ATP2B1: variants seen among roughly 807,000 people sequenced by gnomAD.
The protein encoded by ATP2B1 is ATPase plasma membrane Ca2+ transporting 1, also known as plasma membrane calcium-transporting ATPase 1.
ATP2B1 carries 14 observed loss-of-function variants against 124.2 expected under a neutral mutation model. That is an observed-to-expected ratio of 0.11 (90% CI 0.07 to 0.18). The LOEUF is 0.18. ATP2B1 is among the 10% of genes least tolerant of loss of function. ATP2B1 has a pLI of 1.00. For synonymous variants in ATP2B1, 449 were observed against 492.4 expected (o/e 0.91, Z 1.17); for missense variants, 763 against 1,466.1 (o/e 0.52, Z 7.83).
intron 12 of ATP2B1, among the ~76,000 whole-genome samples, chr12:89,612,351 C>T (rs914527918): frequency 2.6e-5 from 4 of 151,978 alleles, no homozygotes; most frequent in Non-Finnish European, 5.9e-5. Context: ...AGAAAATCCA[C>T]ACGGATCCTA....
rs1214541622 is a variant in ATP2B1 at position 89,589,378 on chromosome 12, AAGAG to A, written c.*1602_*1605del. On this transcript the variant is annotated 3_prime_UTR_variant, in exon 21 of 21. Coordinates refer to ENST00000428670, the MANE Select transcript of ATP2B1 (RefSeq NM_001366521.1). ...GAAGAAGGTAGATGAAGGAAAGAAA[AAGAG>A]AGCTAAAGAATCCAATTGGCTTAGA... 2.0e-5 allele frequency: 3 copies of A among 152,380 alleles called. No homozygotes were observed. The highest frequency in any genetic ancestry group is 4.4e-5 in the Non-Finnish European group (3 of 68,008). The allele number at this position is 152,380 out of a possible 1,614,324, so 9.4% of individuals were successfully genotyped here.
chr12:89,684,186 G>A (rs1186995243), intron 1 of ATP2B1, among the ~76,000 whole-genome samples: 1 of 152,120 alleles, frequency 6.6e-6, no homozygotes, highest in African/African-American at 2.4e-5. Context: ...CATGAAAATT[G>A]GTTACTTACA....
At chr12:89,620,289 G>C (rs528126516) in intron 10 of ATP2B1, 49 bp from the exon 11 acceptor site, 1 of 1,587,538 alleles carries the variant, frequency 6.3e-7, no homozygotes, top group Non-Finnish European at 8.6e-7. Context: ...CTCTAAGAAC[G>C]TTTAATTTAT....
chr12:89,685,837 T>C (rs557567249), intron 1 of ATP2B1, among the ~76,000 whole-genome samples: 10 of 152,072 alleles, frequency 6.6e-5, no homozygotes, highest in Middle Eastern at 3.4e-3. Flanking sequence ...CCTAATCCAA[T>C]AGAACTGGTG....
chr12:89,655,842 T>C lies in ATP2B1; in HGVS notation c.45A>G (p.Lys15=). 6.2e-7 allele frequency: 1 copy of C among 1,613,468 alleles called. No individual in the cohort carries two copies. Among genetic ancestry groups the C allele is most frequent in the South Asian group, 1.1e-5 (1 of 91,050 alleles). Residue 15 remains lysine (K), a synonymous_variant, in exon 2 of 21, where the codon AAA becomes AAG. Coordinates refer to ENST00000428670, the MANE Select transcript of ATP2B1 (RefSeq NM_001366521.1). Reference sequence around the variant, plus strand: ...CATGATTAGCTTCCTTCAAAGAGTTTTTCACACCACTGTAAGCAACTGAGT... The same window carrying C: ...CATGATTAGCTTCCTTCAAAGAGTTCTTCACACCACTGTAAGCAACTGAGT... ...ANNSVAYSGV[K]NSLKEANHDG... is the part of the protein sequence containing the mutation.
chr12:89,598,819 T>A (rs1042059276), intron 20 of ATP2B1: 4 of 1,550,034 alleles, frequency 2.6e-6, no homozygotes, highest in Non-Finnish European at 3.5e-6. Flanking sequence ...ATTCCATCTA[T>A]CAACATATAA....
intron 1 of ATP2B1, among the ~76,000 whole-genome samples, chr12:89,668,498 G>C (rs1356022510): frequency 6.6e-6 from 1 of 152,076 alleles, no homozygotes; most frequent in Non-Finnish European, 1.5e-5. Flanking sequence ...AATTCTTTCT[G>C]GTAACTTTTT....
chr12:89,613,076 C>T (rs1878325587), intron 12 of ATP2B1, among the ~76,000 whole-genome samples: 1 of 151,974 alleles, frequency 6.6e-6, no homozygotes, highest in Admixed American at 6.6e-5. Flanking sequence ...GCCTCCCAGG[C>T]TCAAGTGATC....
chr12:89,695,490 T>C (rs569199106), intron 1 of ATP2B1, among the ~76,000 whole-genome samples: 127 of 152,232 alleles, frequency 8.3e-4, no homozygotes, highest in African/African-American at 2.9e-3. Context: ...AAAAAATTCA[T>C]ATATGATGTC....
intron 1 of ATP2B1, among the ~76,000 whole-genome samples, chr12:89,694,167 CTGAA>C (rs1890856463): frequency 6.6e-6 from 1 of 152,186 alleles, no homozygotes; most frequent in Admixed American, 6.5e-5. Flanking sequence ...AACACTTGCA[CTGAA>C]TGTTCAAATA....
chr12:89,598,844 T>C lies in ATP2B1; in HGVS notation c.3351+273A>G, dbSNP rs1592704667. ...TCAACATATAAAAAGAAAAAGGCAC[T>C]TTTTACACAGCATATAGGCAAGAAT... On this transcript the variant is annotated intron_variant, in intron 20 of 20. Transcript: ENST00000428670. 6 of 1,412,468 alleles carry C rather than the reference T, an allele frequency of 4.2e-6. No individual in the cohort carries two copies. In the East Asian group the frequency reaches 1.4e-4, roughly 32 times the overall value. 87.5% of individuals were successfully genotyped at this position (1,412,468 alleles called of 1,614,324 possible).
chr12:89,675,830 C>T, intron 1 of ATP2B1, among the ~76,000 whole-genome samples: 1 of 152,132 alleles, frequency 6.6e-6, no homozygotes, highest in South Asian at 2.1e-4. Flanking sequence ...GGGAAAGATA[C>T]TACTTTTACT....
chr12:89,693,898 A>T (rs369422977), intron 1 of ATP2B1, among the ~76,000 whole-genome samples: 10 of 152,306 alleles, frequency 6.6e-5, no homozygotes, highest in African/African-American at 2.4e-4. Flanking sequence ...AAACTGGATA[A>T]ATAATAGCCT....
At chr12:89,662,152 T>A (rs571492383) in intron 1 of ATP2B1, among the ~76,000 whole-genome samples, 3 of 151,206 alleles carry the variant, frequency 2.0e-5, no homozygotes, top group Admixed American at 6.6e-5. Context: ...TTTTTTTTTT[T>A]AACACGAGAC....
At position 89,601,319 on chromosome 12, in the gene ATP2B1, T is replaced by G. The variant is rs775142174; in HGVS notation, c.3168+7A>C. 8 of 1,540,714 alleles carry G rather than the reference T, an allele frequency of 5.2e-6. No homozygotes were observed. The highest frequency in any genetic ancestry group is 1.7e-4 in the Middle Eastern group (1 of 5,928). Reference sequence around the variant, plus strand: ...TAGGTTTAAACAAAAACTGATGAAATTTTTACCTGGCCCCAGAGTAATGTT... The same window carrying G: ...TAGGTTTAAACAAAAACTGATGAAAGTTTTACCTGGCCCCAGAGTAATGTT... On this transcript the variant is annotated splice_region_variant and intron_variant, in intron 19 of 20. Transcript: ENST00000428670.
At position 89,664,044 on chromosome 12, in the gene ATP2B1, A is replaced by C. The variant is rs1887012966; in HGVS notation, c.-221-7937T>G. Among the ~76,000 whole-genome samples the C allele has an allele frequency of 2.0e-5, 3 of 152,166 alleles. No homozygotes were observed. In the South Asian group the frequency reaches 6.2e-4, roughly 31 times the overall value. On this transcript the variant is annotated intron_variant, in intron 1 of 20. Coordinates refer to ENST00000428670, the MANE Select transcript of ATP2B1 (RefSeq NM_001366521.1). ...GCATGTGCATTTACAGGGCCTATTT[A>C]TTTTGTTTCTCTCATATTTCAGAAT...
chr12:89,598,795 C>A, intron 20 of ATP2B1: 1 of 1,592,554 alleles, frequency 6.3e-7, no homozygotes, highest in Non-Finnish European at 8.6e-7. Flanking sequence ...AGAGAGAGAA[C>A]AAGAGAAAGG....
At position 89,616,964 on chromosome 12, in the gene ATP2B1, A is replaced by G. The variant is rs1368610687; in HGVS notation, c.1905T>C (p.Thr635=). Residue 635 remains threonine, a synonymous_variant, in exon 12 of 21, where the codon ACT becomes ACC. Coordinates refer to ENST00000428670, the MANE Select transcript of ATP2B1 (RefSeq NM_001366521.1). ...CTTCTGATGCCATCGGTTCAATCACAGTTTTTACAATATCATCACGGTCCC... is the reference window on the plus strand; with the variant it reads ...CTTCTGATGCCATCGGTTCAATCACGGTTTTTACAATATCATCACGGTCCC... The part of the protein sequence containing the change: ...RPRDRDDIVK[T]VIEPMASEGL... The G allele has an allele frequency of 6.2e-7, 1 of 1,614,116 alleles. No individual in the cohort carries two copies. The highest frequency in any genetic ancestry group is 1.6e-4 in the Middle Eastern group (1 of 6,062).
chr12:89,683,586 G>A (rs151020576), intron 1 of ATP2B1, among the ~76,000 whole-genome samples: 6 of 152,302 alleles, frequency 3.9e-5, no homozygotes, highest in South Asian at 2.1e-4. Context: ...ATTCTAGCCC[G>A]TAACTATTCT....
Sources: allele counts gnomAD v4.1 joint callset (sites outside exome capture counted in the v4.1 genomes callset), GRCh38; gene constraint gnomAD v4.1.1; transcripts MANE v1.5; gene names NCBI Gene and HGNC (gene_info 2026-07-23, HGNC 2026-07-21).